The following ARHGAP28 variants were observed in gnomAD, a reference collection of about 807,000 sequenced individuals.
The protein encoded by ARHGAP28 is Rho GTPase activating protein 28, also known as rho GTPase-activating protein 28.
Under a neutral mutation model 90.7 loss-of-function variants are expected in ARHGAP28, and 56 were observed. The observed-to-expected ratio is 0.62, with a 90% CI of 0.50 to 0.77. The LOEUF is 0.77. Among genes scored for constraint, ARHGAP28 ranks in the 30% least tolerant of loss-of-function variants. The probability of loss-of-function intolerance (pLI) is 0.00; values close to 1 mark genes in which losing one functional copy is unlikely to be tolerated. For synonymous variants in ARHGAP28, 308 were observed against 323.3 expected (o/e 0.95, Z 0.51); for missense variants, 869 against 900.9 (o/e 0.96, Z 0.45).
At chr18:6,859,939 T>A in intron 5 of ARHGAP28, 42 bp downstream of exon 5, 2 of 1,564,902 alleles carry the variant, frequency 1.3e-6, no homozygotes, top group Non-Finnish European at 1.8e-6. Flanking sequence ...CAAGGTACAG[T>A]TGCAAGTCAA....
intron 1 of ARHGAP28, among the ~76,000 whole-genome samples, chr18:6,781,991 C>G (rs938395898): frequency 6.6e-6 from 1 of 152,146 alleles, no homozygotes; most frequent in Non-Finnish European, 1.5e-5. Context: ...GGGGACAGGG[C>G]AGTGGAGAGA....
chr18:6,832,830 T>C (rs891705766), intron 2 of ARHGAP28, among the ~76,000 whole-genome samples: 8 of 152,178 alleles, frequency 5.3e-5, no homozygotes, highest in Admixed American at 3.3e-4. Context: ...GTTTCTATGC[T>C]TACATTTCAG....
chr18:6,825,592 C>A (rs1336560676), intron 2 of ARHGAP28, among the ~76,000 whole-genome samples: 1 of 151,752 alleles, frequency 6.6e-6, no homozygotes, highest in Non-Finnish European at 1.5e-5. Flanking sequence ...AGTTTTTGAC[C>A]CATTCCTCTT....
At chr18:6,839,348 C>G (rs1311729493) in intron 3 of ARHGAP28, among the ~76,000 whole-genome samples, 2 of 144,368 alleles carry the variant, frequency 1.4e-5, no homozygotes, top group Admixed American at 7.3e-5. Context: ...GGCTGGAGTG[C>G]AGTGGCGCAA....
At chr18:6,891,966 T>C (rs945758678) in intron 14 of ARHGAP28, among the ~76,000 whole-genome samples, 2 of 152,120 alleles carry the variant, frequency 1.3e-5, no homozygotes, top group Non-Finnish European at 2.9e-5. Context: ...GGACAGTAAA[T>C]GCCAAGGCAG....
chr18:6,857,723 G>C (rs933742744), intron 4 of ARHGAP28, among the ~76,000 whole-genome samples: 12 of 152,232 alleles, frequency 7.9e-5, no homozygotes, highest in African/African-American at 2.7e-4. Context: ...GTGTGTGAAA[G>C]GTGTTCTGCA....
intron 10 of ARHGAP28, 127 bp from the exon 11 acceptor site, chr18:6,882,010 C>G: frequency 1.3e-6 from 1 of 785,546 alleles, no homozygotes; most frequent in African/African-American, 1.8e-5. Flanking sequence ...AAAAAAATTA[C>G]TCTTGGTAGA....
chr18:6,828,611 G>T (rs1215626339), intron 2 of ARHGAP28, among the ~76,000 whole-genome samples: 1 of 152,138 alleles, frequency 6.6e-6, no homozygotes, highest in Non-Finnish European at 1.5e-5. Flanking sequence ...GTGGTGAAAG[G>T]TAAGGGTCTA....
At chr18:6,775,853 T>C (rs1475742927) in intron 1 of ARHGAP28, among the ~76,000 whole-genome samples, 1 of 152,222 alleles carries the variant, frequency 6.6e-6, no homozygotes, top group Admixed American at 6.5e-5. Context: ...GAGGCCCTTG[T>C]TAAACTCTGA....
intron 9 of ARHGAP28, among the ~76,000 whole-genome samples, chr18:6,875,841 C>T (rs79934839): frequency 3.0e-4 from 45 of 152,204 alleles, no homozygotes; most frequent in African/African-American, 1.1e-3. Context: ...GGTTAAGAGG[C>T]ATGTATAATT....
chr18:6,858,039 C>A (rs1490016142), intron 4 of ARHGAP28, among the ~76,000 whole-genome samples: 1 of 152,078 alleles, frequency 6.6e-6, no homozygotes, highest in Admixed American at 6.5e-5. Context: ...TCTTGTTCTC[C>A]CCTCCATGTC....
intron 3 of ARHGAP28, among the ~76,000 whole-genome samples, chr18:6,847,157 G>T (rs1240782875): frequency 6.6e-6 from 1 of 152,042 alleles, no homozygotes; most frequent in African/African-American, 2.4e-5. Context: ...TTTGGCTGGG[G>T]GACCTTCTCT....
chr18:6,861,759 C>A (rs979485926), intron 5 of ARHGAP28, among the ~76,000 whole-genome samples: 1 of 152,072 alleles, frequency 6.6e-6, no homozygotes, highest in Admixed American at 6.5e-5. Flanking sequence ...TTTTCTATTT[C>A]TTTATTCTTA....
chr18:6,871,804 A>G (rs934390603), intron 7 of ARHGAP28, among the ~76,000 whole-genome samples: 1 of 152,140 alleles, frequency 6.6e-6, no homozygotes, highest in Non-Finnish European at 1.5e-5. Flanking sequence ...ATGACAGAGG[A>G]CAGGAAGAGG....
chr18:6,850,886 G>C (rs1169386196), intron 3 of ARHGAP28, 148 bp from the exon 4 acceptor site: 3 of 1,524,266 alleles, frequency 2.0e-6, no homozygotes, highest in Non-Finnish European at 2.6e-6. Context: ...GGTAAGTGCT[G>C]TTATCAATGC....
Position 6,864,448 on chromosome 18 carries a change from T to G in ARHGAP28, c.727-3702T>G, listed in dbSNP as rs9966554. Among the ~76,000 whole-genome samples the G allele has an allele frequency of 8.8e-3, 1,340 of 152,334 alleles. 24 individuals are homozygous for G. Among genetic ancestry groups the G allele is most frequent in the African/African-American group, 0.03 (1,259 of 41,566 alleles). On this transcript the variant is annotated intron_variant, in intron 5 of 17. Transcript: ENST00000383472. ...TGAATTTTGGTAATGTGTATTTGCT[T>G]TATCAAGATATACAGTTTATTTCAA... is the stretch of plus-strand genomic sequence containing the variant.
chr18:6,743,345 A>G (rs978196524), intron 1 of ARHGAP28, among the ~76,000 whole-genome samples: 3 of 152,120 alleles, frequency 2.0e-5, no homozygotes, highest in African/African-American at 7.2e-5. Flanking sequence ...AATATTGTCT[A>G]TTTTCTTCAT....
chr18:6,741,884 T>C (rs1405140375), intron 1 of ARHGAP28, among the ~76,000 whole-genome samples: 1 of 152,230 alleles, frequency 6.6e-6, no homozygotes, highest in African/African-American at 2.4e-5. Flanking sequence ...TGTAGCTCTT[T>C]GCTTTTATTC....
rs113211471 is a variant in ARHGAP28, at chr18:6,903,081, C to T, written c.2031-5879C>T. 3.5e-3 allele frequency among the ~76,000 whole-genome samples: 531 copies of T among 152,126 alleles called. 5 individuals are homozygous for T. The highest frequency in any genetic ancestry group is 5.2e-3 in the Non-Finnish European group (355 of 68,002). On this transcript the variant is annotated intron_variant, in intron 16 of 17. Coordinates refer to ENST00000383472, the MANE Select transcript of ARHGAP28 (RefSeq NM_001366230.1). ...TCACAAAAGGATAAACACTATGTGACGCCACTTAAGTTATGGTCAGAATCA... is the reference window on the plus strand; with the variant it reads ...TCACAAAAGGATAAACACTATGTGATGCCACTTAAGTTATGGTCAGAATCA...
Sources: allele counts gnomAD v4.1 joint callset (sites outside exome capture counted in the v4.1 genomes callset), GRCh38; gene constraint gnomAD v4.1.1; transcripts MANE v1.5; gene names NCBI Gene and HGNC (gene_info 2026-07-23, HGNC 2026-07-21).